Variants in TP53I13 observed in about 807,000 individuals in gnomAD.
The protein encoded by TP53I13 is tumor protein p53-inducible protein 13.
TP53I13 carries 27 observed loss-of-function variants against 39.1 expected under a neutral mutation model. The ratio of observed to expected loss-of-function variants is 0.69; its 90% CI spans 0.51 to 0.95. The LOEUF (loss-of-function observed/expected upper bound fraction) is 0.95, where lower values mean the gene tolerates loss of function less well. Ranked by LOEUF, TP53I13 falls within the 40% of genes least tolerant of loss-of-function variation. TP53I13 has a pLI of 0.00. For synonymous variants in TP53I13, 230 were observed against 224.6 expected, an observed-to-expected ratio of 1.02 and a Z score of -0.22; for missense variants, 544 against 520.4, an observed-to-expected ratio of 1.05 and a Z score of -0.44.
At chr17:29,574,747 A>G (rs1315546076), downstream of TP53I13, 2 of 1,613,524 alleles carry the variant, frequency 1.2e-6, no homozygotes, top group Admixed American at 1.7e-5. Context: ...GCTGCTTGGC[A>G]GCCTTGGCGA....
chr17:29,571,494 C>T (rs1963780165), intron 3 of TP53I13, 97 bp from the exon 4 acceptor site: 27 of 1,543,234 alleles, frequency 1.7e-5, no homozygotes, highest in Non-Finnish European at 2.3e-5. Flanking sequence ...TCCAGCTATC[C>T]TGGGAGTACC....
chr17:29,576,666 G>A, downstream of TP53I13: 2 of 1,613,948 alleles, frequency 1.2e-6, no homozygotes, highest in Non-Finnish European at 1.7e-6. Context: ...AGTCCGAGGA[G>A]TCCATGCTCT....
At chr17:29,575,872 A>G (rs775510133), downstream of TP53I13, 32 of 1,610,768 alleles carry the variant, frequency 2.0e-5, no homozygotes, top group Non-Finnish European at 2.7e-5. The surrounding 1 kb of genome is among the most constrained non-coding windows in gnomAD (Gnocchi z 5.5). Context: ...TGAAGGGCAC[A>G]GCTGAGGCAG....
At chr17:29,581,071 G>A in the TP53I13 span, 4 of 517,500 alleles carry the variant, frequency 7.7e-6, no homozygotes, top group African/African-American at 1.9e-5. This position sits in a 1 kb window ranked among gnomAD's most constrained non-coding sequence, Gnocchi z 4.8. Context: ...GAGCCACCGC[G>A]CCCGGCCCAC....
At chr17:29,575,790 G>C (rs368859007), downstream of TP53I13, 16 of 1,609,930 alleles carry the variant, frequency 9.9e-6, no homozygotes, top group African/African-American at 1.9e-4. The surrounding 1 kb of genome is among the most constrained non-coding windows in gnomAD (Gnocchi z 5.5). Context: ...CACCCTGTGG[G>C]CACTGGGCAT....
rs1406633345 is a variant in TP53I13 at position 29,572,608 on chromosome 17, C to T, written c.980C>T (p.Ala327Val). The T allele has an allele frequency of 6.3e-7, 1 of 1,590,946 alleles. No individual in the cohort carries two copies. The highest frequency in any genetic ancestry group is 8.5e-7 in the Non-Finnish European group (1 of 1,169,590). The change falls in exon 6 of 7, where the codon GCC (alanine) becomes GTC (valine). Residue 327 changes from alanine (A) to valine (V), a missense_variant. Physicochemically the swap from Ala to Val is moderately conservative, Grantham distance 64 (BLOSUM62 0). Transcript: ENST00000301057. The stretch of plus-strand genomic sequence containing the variant: ...TTCCTGCTGGTGCTGCTCACCCTGG[C>T]CACGCTCTGCACACGGCTGCACAGA... The part of the protein sequence containing the change: ...LTFLLVLLTL[A>V]TLCTRLHRNF...
chr17:29,577,092 G>C, downstream of TP53I13: 3 of 1,607,314 alleles, frequency 1.9e-6, no homozygotes, highest in Non-Finnish European at 2.6e-6. Flanking sequence ...AAAGACCCCT[G>C]GAGCCCCGCC....
In TP53I13 at chr17:29,572,680, G is replaced by C. The variant is rs755581080; in HGVS notation, c.1052G>C (p.Ser351Thr). 2 of 1,565,898 alleles carry C rather than the reference G, an allele frequency of 1.3e-6. No individual in the cohort carries two copies. The highest frequency in any genetic ancestry group is 1.7e-6 in the Non-Finnish European group (2 of 1,155,508). Residue 351 changes from serine to threonine, a missense_variant, in exon 6 of 7, where the codon AGC becomes ACC. Coordinates refer to ENST00000301057, the MANE Select transcript of TP53I13 (RefSeq NM_138349.4). Reference sequence around the variant, plus strand: ...ATCTACTGGGGGCCCACAGCGGACAGCCAGGACACAGTGGCTGGTGAGGAG... The same window carrying C: ...ATCTACTGGGGGCCCACAGCGGACACCCAGGACACAGTGGCTGGTGAGGAG... ...ESIYWGPTADSQDTVAAVLKR... is the reference protein window; with the variant it reads ...ESIYWGPTADTQDTVAAVLKR...
upstream of TP53I13, chr17:29,566,997 G>A (rs1231346218): frequency 5.5e-6 from 7 of 1,279,108 alleles, no homozygotes; most frequent in Non-Finnish European, 6.9e-6. Context: ...GCGGGCAGCG[G>A]GCGGCGGGGC....
downstream of TP53I13, chr17:29,576,208 T>C (rs762198559): frequency 1.2e-6 from 2 of 1,605,710 alleles, no homozygotes; most frequent in South Asian, 1.1e-5. Context: ...TTGAGACCCA[T>C]AGGTGACTCA....
upstream of TP53I13, chr17:29,566,983 C>A: frequency 7.7e-7 from 1 of 1,300,362 alleles, no homozygotes; most frequent in African/African-American, 1.5e-5. Context: ...GCTGGAGAGC[C>A]CCGGCGGGCA....
chr17:29,578,806 GGAGGA>G, the TP53I13 span: 1 of 1,610,984 alleles, frequency 6.2e-7, no homozygotes, highest in Non-Finnish European at 8.5e-7. Flanking sequence ...ATGGGAATTG[GGAGGA>G]GAGGAGAGAC....
downstream of TP53I13, chr17:29,576,193 A>C (rs1308044277): frequency 1.2e-6 from 2 of 1,607,444 alleles, 1 homozygote; most frequent in South Asian, 2.2e-5. Context: ...CCATCTCCCC[A>C]CACCTTGAGA....
At chr17:29,579,114 G>T in the TP53I13 span, 2 of 803,544 alleles carry the variant, frequency 2.5e-6, no homozygotes, top group Non-Finnish European at 4.3e-6. Context: ...GCCCAGAAGG[G>T]ACAAAGCTGA....
the TP53I13 span, chr17:29,578,439 G>T: frequency 7.0e-7 from 1 of 1,431,636 alleles, no homozygotes; most frequent in Non-Finnish European, 9.9e-7. Context: ...CAGCTCCCCA[G>T]CATGTTGTGA....
Position 29,568,842 on chromosome 17 carries a change from C to T in TP53I13, c.72+12C>T, listed in dbSNP as rs200005682. The T allele has an allele frequency of 3.6e-5, 58 of 1,599,908 alleles. No individual in the cohort carries two copies. Among genetic ancestry groups the T allele is most frequent in the Non-Finnish European group, 4.6e-5 (54 of 1,179,534 alleles). On this transcript the variant is annotated intron_variant, in intron 1 of 6. Coordinates refer to ENST00000301057, the MANE Select transcript of TP53I13 (RefSeq NM_138349.4). This position sits in a 1 kb window ranked among gnomAD's most constrained non-coding sequence, Gnocchi z 4.5. ...TGGGTCCCAGCGAGGTAAGGTGACC[C>T]GCTCCTGGGAAGGCCTCGGCCCGCG... is the stretch of plus-strand genomic sequence containing the variant.
the TP53I13 span, chr17:29,579,044 A>G: frequency 1.0e-5 from 16 of 1,540,636 alleles, no homozygotes; most frequent in African/African-American, 1.6e-4. Context: ...GCAGTTACCC[A>G]GGAGCAGGGC....
At chr17:29,568,570 G>A (rs1357549141), upstream of TP53I13, 1 of 173,630 alleles carries the variant, frequency 5.8e-6, no homozygotes, top group Non-Finnish European at 1.1e-5. The surrounding 1 kb of genome is among the most constrained non-coding windows in gnomAD (Gnocchi z 4.5). Context: ...CTCCGCTGCT[G>A]TGGGCGGGCA....
chr17:29,569,656 A>G (rs571259563), intron 3 of TP53I13: 82 of 343,278 alleles, frequency 2.4e-4, no homozygotes, highest in African/African-American at 1.5e-3. Flanking sequence ...GAGTAGCTGG[A>G]AAAAACCCAG....
Sources: gnomAD v4.1 joint callset for allele counts on GRCh38, gnomAD v4.1.1 for gene constraint, Gnocchi (gnomAD v3.1) non-coding constraint, MANE v1.5 for transcripts, NCBI Gene and HGNC (gene_info 2026-07-23, HGNC 2026-07-21) for gene names.